The following RIN3 variants were observed in gnomAD, a reference collection of about 807,000 sequenced individuals.
RIN3 encodes Ras and Rab interactor 3, also known as RAB5 interacting protein 3.
A neutral mutation model predicts 76.3 loss-of-function variants in RIN3; 54 were observed. The observed-to-expected ratio is 0.71, with a 90% CI of 0.57 to 0.89. The LOEUF is 0.89. Ranked by LOEUF, RIN3 falls within the 40% of genes least tolerant of loss-of-function variation. RIN3 has a pLI of 0.00. For synonymous variants in RIN3, 576 were observed against 564.0 expected (o/e 1.02, Z -0.30); for missense variants, 1,256 against 1,322.1 (o/e 0.95, Z 0.78).
intron 2 of RIN3, among the ~76,000 whole-genome samples, chr14:92,557,985 G>T (rs1391107554): frequency 2.0e-5 from 3 of 152,232 alleles, no homozygotes; most frequent in South Asian, 2.1e-4. Context: ...CCAGGAGAAG[G>T]TGCTGGCTCT....
chr14:92,659,144 C>G lies in RIN3; in HGVS notation c.2027-17C>G, dbSNP rs1411093756. On this transcript the variant is annotated splice_polypyrimidine_tract_variant and intron_variant, in intron 6 of 9. Coordinates refer to ENST00000216487, the MANE Select transcript of RIN3 (RefSeq NM_024832.5). Reference sequence around the variant, plus strand: ...TGCATCTGGTTTCCTCACCCTCGCTCTCTTGTTTACCTGCAGAAGCAATTG... The same window carrying G: ...TGCATCTGGTTTCCTCACCCTCGCTGTCTTGTTTACCTGCAGAAGCAATTG... The G allele has an allele frequency of 6.2e-7, 1 of 1,613,158 alleles. No homozygotes were observed. The highest frequency in any genetic ancestry group is 2.2e-5 in the East Asian group (1 of 44,884).
intron 3 of RIN3, among the ~76,000 whole-genome samples, chr14:92,611,665 T>C (rs1207169351): frequency 6.6e-6 from 1 of 152,164 alleles, no homozygotes; most frequent in Non-Finnish European, 1.5e-5. Context: ...AATAAGGTCA[T>C]ATTCACGTGT....
At chr14:92,625,326 G>A (rs1886315723) in intron 4 of RIN3, among the ~76,000 whole-genome samples, 2 of 152,160 alleles carry the variant, frequency 1.3e-5, no homozygotes, top group South Asian at 4.1e-4. Context: ...TCCTGATGAG[G>A]ATGGATGCCA....
chr14:92,642,376 T>C (rs1887047438), intron 5 of RIN3, among the ~76,000 whole-genome samples: 1 of 152,076 alleles, frequency 6.6e-6, no homozygotes, highest in Non-Finnish European at 1.5e-5. Flanking sequence ...GAATTACAGG[T>C]GTGAGCCACT....
At chr14:92,687,390 G>C (rs991526947) in intron 9 of RIN3, 2 of 153,018 alleles carry the variant, frequency 1.3e-5, no homozygotes, top group African/African-American at 4.8e-5. Context: ...ACCCGACTGC[G>C]CCCAGCCTCC....
rs201845332 is a variant in RIN3 at position 92,555,942 on chromosome 14, G to A, written c.236G>A (p.Arg79Gln). 1.2e-4 allele frequency: 186 copies of A among 1,612,204 alleles called. No individual in the cohort carries two copies. Among genetic ancestry groups the A allele is most frequent in the Middle Eastern group, 1.9e-4 (1 of 5,184 alleles). ...GQAEVARILH[R>Q]VVAGMFLVRR... ...GCAGAGGTGGCCAGGATCCTGCACC[G>A]GGTGGTGGCTGGGGTGAGTGGGGGC... Residue 79 changes from arginine to glutamine, a missense_variant, in exon 2 of 10, where the codon CGG becomes CAG. Arg to Gln is a conservative substitution (Grantham distance 43). Transcript: ENST00000216487.
chr14:92,615,620 C>T (rs1885929227), intron 4 of RIN3, 141 bp downstream of exon 4: 1 of 707,946 alleles, frequency 1.4e-6, no homozygotes, highest in African/African-American at 1.7e-5. Flanking sequence ...GCACAGGCCC[C>T]TCTGGGAACC....
chr14:92,520,377 G>A (rs1189637458), intron 1 of RIN3, among the ~76,000 whole-genome samples: 1 of 152,212 alleles, frequency 6.6e-6, no homozygotes, highest in Admixed American at 6.5e-5. Flanking sequence ...GAGGGGGGTG[G>A]GAGTGGGGCC....
chr14:92,620,756 C>G (rs745391432), intron 4 of RIN3, among the ~76,000 whole-genome samples: 1 of 152,140 alleles, frequency 6.6e-6, no homozygotes, highest in South Asian at 2.1e-4. Context: ...ACAGTGTTAC[C>G]TAGGGCCCCC....
At chr14:92,573,254 A>G (rs1376147010) in intron 2 of RIN3, among the ~76,000 whole-genome samples, 2 of 152,148 alleles carry the variant, frequency 1.3e-5, no homozygotes, top group East Asian at 3.8e-4. Context: ...AAATCAGGTT[A>G]TTAGATTTAG....
chr14:92,652,293 C>T lies in RIN3; in HGVS notation c.1244C>T (p.Pro415Leu). 1.2e-6 allele frequency: 2 copies of T among 1,610,054 alleles called. No individual in the cohort carries two copies. The highest frequency in any genetic ancestry group is 1.3e-5 in the African/African-American group (1 of 74,976). Residue 415 changes from proline to leucine, a missense_variant, in exon 6 of 10, where the codon CCC becomes CTC. By Grantham distance (98) the Pro-to-Leu change is moderately conservative. This residue lies in a region of RIN3 where 610 missense variants were observed against 626.4 expected (regional missense o/e 0.97). Coordinates refer to ENST00000216487, the MANE Select transcript of RIN3 (RefSeq NM_024832.5). This position sits in a 1 kb window ranked among gnomAD's most constrained non-coding sequence, Gnocchi z 6.4. ...GAGGGGGACCAGCTCAGCCTGCCTC[C>T]CCAAGGGACCTCAGACGGCCCTGAG... is the stretch of plus-strand genomic sequence containing the variant. ...AAEGDQLSLP[P>L]QGTSDGPEDT...
rs147683561 is a variant in RIN3, at chr14:92,652,263, C to T, written c.1214C>T (p.Ala405Val). ...TTAGAAGACCAAAGTCCGGGGATGGCGGCAGAGGGGGACCAGCTCAGCCTG... is the reference window on the plus strand; with the variant it reads ...TTAGAAGACCAAAGTCCGGGGATGGTGGCAGAGGGGGACCAGCTCAGCCTG... ...VSLEDQSPGM[A>V]AEGDQLSLPP... The change falls in exon 6 of 10, where the codon GCG (alanine) becomes GTG (valine). Residue 405 changes from alanine to valine, a missense_variant. Ala to Val is a moderately conservative substitution (Grantham distance 64). This residue lies in a region of RIN3 where 610 missense variants were observed against 626.4 expected (regional missense o/e 0.97). Coordinates refer to ENST00000216487, the MANE Select transcript of RIN3 (RefSeq NM_024832.5). This position sits in a 1 kb window ranked among gnomAD's most constrained non-coding sequence, Gnocchi z 6.4. The T allele has an allele frequency of 1.1e-5, 18 of 1,610,874 alleles. No homozygotes were observed. The highest frequency in any genetic ancestry group is 5.5e-5 in the South Asian group (5 of 90,852).
Position 92,623,890 on chromosome 14 carries a change from C to T in RIN3, c.440+8411C>T, listed in dbSNP as rs1332128319. Among the ~76,000 whole-genome samples, 2 of 152,202 alleles carry T rather than the reference C, an allele frequency of 1.3e-5. No homozygotes were observed. The highest frequency in any genetic ancestry group is 2.9e-5 in the Non-Finnish European group (2 of 68,026). ...CATCTGGAGATGGAGGCTGGATGGC[C>T]CTCGGGGGCTCACCCTCAAGGTGTT... is the stretch of plus-strand genomic sequence containing the variant. On this transcript the variant is annotated intron_variant, in intron 4 of 9. Coordinates refer to ENST00000216487, the MANE Select transcript of RIN3 (RefSeq NM_024832.5). This position sits in a 1 kb window ranked among gnomAD's most constrained non-coding sequence, Gnocchi z 4.9.
chr14:92,525,707 C>G (rs1021770615), intron 1 of RIN3, among the ~76,000 whole-genome samples: 1 of 152,142 alleles, frequency 6.6e-6, no homozygotes, highest in Non-Finnish European at 1.5e-5. Context: ...CCAAAGCCCC[C>G]AATTCCCCTC....
At position 92,659,426 on chromosome 14, in the gene RIN3, G is replaced by T; in HGVS notation, c.2292G>T (p.Lys764Asn). 3 of 1,613,054 alleles carry T rather than the reference G, an allele frequency of 1.9e-6. No individual in the cohort carries two copies. The highest frequency in any genetic ancestry group is 2.5e-6 in the Non-Finnish European group (3 of 1,179,402). ...AGAAGAAGATCTCCATCCTGCTCAA[G>T]ACCTGCAAACTCATCTACGACTCCA... ...SPEKKISILL[K>N]TCKLIYDSMA... Residue 764 changes from lysine to asparagine, a missense_variant, in exon 7 of 10, where the codon AAG becomes AAT. By Grantham distance (94) the Lys-to-Asn change is moderately conservative. Transcript: ENST00000216487.
At chr14:92,544,769 C>T (rs958324194) in intron 1 of RIN3, among the ~76,000 whole-genome samples, 1 of 152,060 alleles carries the variant, frequency 6.6e-6, no homozygotes, top group Non-Finnish European at 1.5e-5. Flanking sequence ...TTGCAATGCC[C>T]TATGCACCCA....
At chr14:92,682,938 G>A (rs1455187570) in intron 8 of RIN3, among the ~76,000 whole-genome samples, 2 of 152,200 alleles carry the variant, frequency 1.3e-5, no homozygotes, top group African/African-American at 2.4e-5. Context: ...GGCCAAGGCG[G>A]GTGGATCACT....
Position 92,652,103 on chromosome 14 carries a change from G to C in RIN3, c.1054G>C (p.Gly352Arg), listed in dbSNP as rs755728589. ...ACTCCCATGCCCCACTGCAGGCCTGGGCCCCCTCAGGGAGGAAGCGATGAA... is the reference window on the plus strand; with the variant it reads ...ACTCCCATGCCCCACTGCAGGCCTGCGCCCCCTCAGGGAGGAAGCGATGAA... ...ERLPCPTAGL[G>R]PLREEAMKPG... The change falls in exon 6 of 10, where the codon GGC becomes CGC. Residue 352 changes from glycine (G) to arginine (R), a missense_variant. By Grantham distance (125) the Gly-to-Arg change is moderately radical. Transcript: ENST00000216487. The surrounding 1 kb of genome is among the most constrained non-coding windows in gnomAD (Gnocchi z 6.4). 5.0e-6 allele frequency: 8 copies of C among 1,606,238 alleles called. No homozygotes were observed. Among genetic ancestry groups the C allele is most frequent in the Non-Finnish European group, 6.8e-6 (8 of 1,179,832 alleles).
chr14:92,655,026 G>A (rs1053653786), intron 6 of RIN3, among the ~76,000 whole-genome samples: 4 of 152,116 alleles, frequency 2.6e-5, no homozygotes, highest in African/African-American at 7.2e-5. Flanking sequence ...TTAGCCAGGT[G>A]TGGTGGCGCG....
Sources: allele counts gnomAD v4.1 joint callset (sites outside exome capture counted in the v4.1 genomes callset), GRCh38; gene constraint gnomAD v4.1.1; regional missense constraint gnomAD v4.1.1; non-coding constraint Gnocchi (gnomAD v3.1); transcripts MANE v1.5; gene names NCBI Gene and HGNC (gene_info 2026-07-23, HGNC 2026-07-21).